Variants in PIEZO2 observed in about 807,000 individuals in gnomAD.
PIEZO2 encodes the protein piezo type mechanosensitive ion channel component 2.
A neutral mutation model predicts 337.3 loss-of-function variants in PIEZO2; 172 were observed. The observed-to-expected ratio is 0.51, with a 90% CI of 0.45 to 0.58. The LOEUF is 0.58. Ranked by LOEUF, PIEZO2 falls within the 20% of genes least tolerant of loss-of-function variation. The pLI is 0.00. For synonymous variants in PIEZO2, 1,251 were observed against 1,228.5 expected (o/e 1.02, Z -0.38); for missense variants, 3,028 against 3,391.3 (o/e 0.89, Z 2.66).
chr18:10,969,361 C>T lies in PIEZO2; in HGVS notation c.286+10174G>A, dbSNP rs924877868. Among the ~76,000 whole-genome samples the T allele has an allele frequency of 1.3e-5, 2 of 151,118 alleles. No individual in the cohort carries two copies. The highest frequency in any genetic ancestry group is 3.0e-5 in the Non-Finnish European group (2 of 67,702). On this transcript the variant is annotated intron_variant, in intron 3 of 55. Transcript: ENST00000674853. This position sits in a 1 kb window ranked among gnomAD's most constrained non-coding sequence, Gnocchi z 4.5. ...ACTTCCTGCTCTGTGATTTGTCTTA[C>T]AGCAAGGACTGGTCGGCATGGTGGG...
chr18:11,147,643 G>A (rs1388212778), intron 1 of PIEZO2, among the ~76,000 whole-genome samples: 1 of 152,250 alleles, frequency 6.6e-6, no homozygotes, highest in African/African-American at 2.4e-5. Context: ...GGAGAGCAAA[G>A]AACCAGGGCC....
At position 10,682,348 on chromosome 18, in the gene PIEZO2, G is replaced by A; in HGVS notation, c.7498-56C>T. 1 of 1,439,068 alleles carries A rather than the reference G, an allele frequency of 6.9e-7. No individual in the cohort carries two copies. The highest frequency in any genetic ancestry group is 2.1e-5 in the Admixed American group (1 of 47,034). The allele number at this position is 1,439,068 out of a possible 1,614,324, so 89.1% of individuals were successfully genotyped here. On this transcript the variant is annotated intron_variant, in intron 49 of 55. Coordinates refer to ENST00000674853, the MANE Select transcript of PIEZO2 (RefSeq NM_001378183.1). The surrounding 1 kb of genome is among the most constrained non-coding windows in gnomAD (Gnocchi z 5.6). ...CTCAGGCTCAGGTGCTTTCCCGCAG[G>A]CAGCGGGATTGGGGGAGAGCGAGTG...
At chr18:10,897,740 A>G (rs1044376354) in intron 4 of PIEZO2, among the ~76,000 whole-genome samples, 4 of 152,262 alleles carry the variant, frequency 2.6e-5, no homozygotes, top group African/African-American at 9.6e-5. Flanking sequence ...CTAAAAGTGT[A>G]CACTCAAGGT....
intron 3 of PIEZO2, among the ~76,000 whole-genome samples, chr18:10,933,746 A>C (rs2032220543): frequency 6.6e-6 from 1 of 152,216 alleles, no homozygotes; most frequent in Non-Finnish European, 1.5e-5. Context: ...CTTGAATTGT[A>C]ATAATCCCCA....
At chr18:10,774,459 A>AC (rs2038717025) in intron 18 of PIEZO2, among the ~76,000 whole-genome samples, 1 of 61,340 alleles carries the variant, frequency 1.6e-5, no homozygotes, top group Non-Finnish European at 3.9e-5. Flanking sequence ...AGCATGTGCC[A>AC]TGGAAGCTAA....
At chr18:10,720,659 G>A (rs764868867) in intron 36 of PIEZO2, among the ~76,000 whole-genome samples, 5 of 151,248 alleles carry the variant, frequency 3.3e-5, no homozygotes, top group Non-Finnish European at 7.4e-5. Context: ...TGCTCGGGCT[G>A]GTCTCAAACT....
chr18:10,779,448 C>T (rs142350824), intron 18 of PIEZO2, among the ~76,000 whole-genome samples: 1 of 152,128 alleles, frequency 6.6e-6, no homozygotes, highest in Non-Finnish European at 1.5e-5. Context: ...TGGAGGATAA[C>T]CTATTGCACG....
intron 5 of PIEZO2, among the ~76,000 whole-genome samples, chr18:10,865,802 G>A (rs188911862): frequency 1.7e-4 from 26 of 152,280 alleles, no homozygotes; most frequent in Admixed American, 1.2e-3. Flanking sequence ...CTGGAGTTGG[G>A]ATGGATAGCA....
chr18:10,769,882 C>T lies in PIEZO2; in HGVS notation c.2946+266G>A, dbSNP rs780862379. On this transcript the variant is annotated intron_variant, in intron 21 of 55. Coordinates refer to ENST00000674853, the MANE Select transcript of PIEZO2 (RefSeq NM_001378183.1). ...TAGGCAGGGGCAGAAGGGCAGCCTGCTCTCACACTCTTCCCTAAGGATTCG... is the reference window on the plus strand; with the variant it reads ...TAGGCAGGGGCAGAAGGGCAGCCTGTTCTCACACTCTTCCCTAAGGATTCG... 3.1e-5 allele frequency: 10 copies of T among 327,790 alleles called. No individual in the cohort carries two copies. The East Asian group carries it at 3.2e-4, about 10-fold the overall frequency. 20.3% of individuals were successfully genotyped at this position (327,790 alleles called of 1,614,324 possible).
At position 10,962,725 on chromosome 18, in the gene PIEZO2, T is replaced by C. The variant is rs184412211; in HGVS notation, c.286+16810A>G. ...AGTATCATCTCAGTTTTTTAATTTG[T>C]AATTTCATCCCCAAGATAAATCCAT... On this transcript the variant is annotated intron_variant, in intron 3 of 55. Transcript: ENST00000674853. The surrounding 1 kb of genome is among the most constrained non-coding windows in gnomAD (Gnocchi z 4.1). 1.3e-5 allele frequency among the ~76,000 whole-genome samples: 2 copies of C among 152,316 alleles called. No homozygotes were observed. The highest frequency in any genetic ancestry group is 6.5e-5 in the Admixed American group (1 of 15,300).
chr18:10,754,992 C>T (rs143772219), intron 27 of PIEZO2, among the ~76,000 whole-genome samples: 3,581 of 152,220 alleles, frequency 0.024, 74 homozygotes, highest in Non-Finnish European at 0.035. Flanking sequence ...GGAACAGAGC[C>T]TGGCGCAAAG....
chr18:11,105,764 A>C lies in PIEZO2; in HGVS notation c.65-39542T>G, dbSNP rs2039540831. Among the ~76,000 whole-genome samples the C allele has an allele frequency of 6.6e-6, 1 of 152,132 alleles. No homozygotes were observed. The highest frequency in any genetic ancestry group is 1.5e-5 in the Non-Finnish European group (1 of 68,042). On this transcript the variant is annotated intron_variant, in intron 1 of 55. Coordinates refer to ENST00000674853, the MANE Select transcript of PIEZO2 (RefSeq NM_001378183.1). This position sits in a 1 kb window ranked among gnomAD's most constrained non-coding sequence, Gnocchi z 4.3. The stretch of plus-strand genomic sequence containing the variant: ...GACTGTAAAGCTCCGTAACCATATA[A>C]AAGTTATATTATAAAAGATAAGCAA...
In PIEZO2 at chr18:10,859,511, G is replaced by C. The variant is rs1568137600; in HGVS notation, c.493-2300C>G. Among the ~76,000 whole-genome samples, 2 of 152,336 alleles carry C rather than the reference G, an allele frequency of 1.3e-5. No homozygotes were observed. The highest frequency in any genetic ancestry group is 3.9e-4 in the East Asian group (2 of 5,178). On this transcript the variant is annotated intron_variant, in intron 5 of 55. Coordinates refer to ENST00000674853, the MANE Select transcript of PIEZO2 (RefSeq NM_001378183.1). The surrounding 1 kb of genome is among the most constrained non-coding windows in gnomAD (Gnocchi z 4.9). ...CCATCTGCTCAGGACACCAGGGAGA[G>C]AACAGCCCAGCCATCCTGGCTCTCT...
rs1010978490 is a variant in PIEZO2 at position 10,953,029 on chromosome 18, T to C, written c.286+26506A>G. 6.6e-6 allele frequency among the ~76,000 whole-genome samples: 1 copy of C among 152,190 alleles called. No individual in the cohort carries two copies. The highest frequency in any genetic ancestry group is 1.5e-5 in the Non-Finnish European group (1 of 68,022). On this transcript the variant is annotated intron_variant, in intron 3 of 55. Coordinates refer to ENST00000674853, the MANE Select transcript of PIEZO2 (RefSeq NM_001378183.1). The surrounding 1 kb of genome is among the most constrained non-coding windows in gnomAD (Gnocchi z 5.2). ...CATCTTTTAATGTGTTTATTCATCA[T>C]CTGTATATCTTCTTTGGTAAAGTGT...
intron 2 of PIEZO2, 127 bp downstream of exon 2, chr18:11,066,000 T>A (rs2038135320): frequency 2.8e-6 from 2 of 703,032 alleles, no homozygotes; most frequent in Admixed American, 3.0e-5. Flanking sequence ...TGACACCCAC[T>A]CCATGCCATA....
rs62095570 is a variant in PIEZO2, at chr18:10,702,371, C to T, written c.6259-200G>A. 0.32 allele frequency among the ~76,000 whole-genome samples: 48,675 copies of T among 152,006 alleles called. 8,205 individuals carry two copies. Among genetic ancestry groups the T allele is most frequent in the African/African-American group, 0.41 (16,983 of 41,460 alleles). Reference sequence around the variant, plus strand: ...CTTCATAACAGAAGCAGCATCTAACCGTCACAGTGTCTTTCACTGTAGATC... The same window carrying T: ...CTTCATAACAGAAGCAGCATCTAACTGTCACAGTGTCTTTCACTGTAGATC... On this transcript the variant is annotated intron_variant, in intron 42 of 55. Transcript: ENST00000674853.
In PIEZO2 at chr18:10,742,285, A is replaced by T. The variant is rs1003827306; in HGVS notation, c.4636+209T>A. Among the ~76,000 whole-genome samples, 4 of 152,368 alleles carry T rather than the reference A, an allele frequency of 2.6e-5. No homozygotes were observed. The East Asian group carries it at 5.8e-4, about 22-fold the overall frequency. ...TTAAAGCTATCTTGCTGAAGAGTGG[A>T]TACTTGTAAACTAATTGATTTATCA... On this transcript the variant is annotated intron_variant, in intron 32 of 55. Coordinates refer to ENST00000674853, the MANE Select transcript of PIEZO2 (RefSeq NM_001378183.1).
chr18:10,838,614 G>A (rs577453052), intron 7 of PIEZO2, among the ~76,000 whole-genome samples: 7 of 152,312 alleles, frequency 4.6e-5, no homozygotes, highest in African/African-American at 1.7e-4. Flanking sequence ...ATTGGTGGTG[G>A]ACAAATAGAG....
chr18:10,860,959 G>A (rs920000590), intron 5 of PIEZO2, among the ~76,000 whole-genome samples: 2 of 152,154 alleles, frequency 1.3e-5, no homozygotes, highest in African/African-American at 4.8e-5. Context: ...TTTTAAATTT[G>A]CCAAGCTGAG....
Sources: allele counts gnomAD v4.1 joint callset (sites outside exome capture counted in the v4.1 genomes callset), GRCh38; gene constraint gnomAD v4.1.1; non-coding constraint Gnocchi (gnomAD v3.1); transcripts MANE v1.5; gene names NCBI Gene and HGNC (gene_info 2026-07-23, HGNC 2026-07-21).